Variants in PLXNA4 observed in about 807,000 individuals in gnomAD.
PLXNA4 encodes plexin A4, also known as plexin-A4.
Under a neutral mutation model 191.8 loss-of-function variants are expected in PLXNA4, and 44 were observed. That is an observed-to-expected ratio of 0.23 (90% CI 0.18 to 0.29). The LOEUF (loss-of-function observed/expected upper bound fraction) is 0.29. Among genes scored for constraint, PLXNA4 ranks in the 10% least tolerant of loss-of-function variants. PLXNA4 has a pLI of 1.00. For missense variants in PLXNA4, 1,800 were observed against 2,488.8 expected, an observed-to-expected ratio of 0.72 and a Z score of 5.89; for synonymous variants, 1,082 against 1,009.5, an observed-to-expected ratio of 1.07 and a Z score of -1.36.
chr7:132,489,858 C>A (rs533381667), intron 2 of PLXNA4, among the ~76,000 whole-genome samples: 1 of 152,200 alleles, frequency 6.6e-6, no homozygotes, highest in African/African-American at 2.4e-5. Flanking sequence ...GGCTCCAGGC[C>A]GCTCTGCTCA....
chr7:132,395,560 G>A (rs913410915), intron 3 of PLXNA4, among the ~76,000 whole-genome samples: 1 of 152,198 alleles, frequency 6.6e-6, no homozygotes. Flanking sequence ...TCTCATGTCT[G>A]GCCATGTGGC....
intron 4 of PLXNA4, among the ~76,000 whole-genome samples, chr7:132,246,621 C>T (rs1249760055): frequency 6.6e-6 from 1 of 152,212 alleles, no homozygotes; most frequent in African/African-American, 2.4e-5. Context: ...TCCCCATTTA[C>T]ACTTCCTTTC....
At chr7:132,362,401 A>T (rs1384501761) in intron 3 of PLXNA4, among the ~76,000 whole-genome samples, 2 of 152,232 alleles carry the variant, frequency 1.3e-5, no homozygotes, top group Non-Finnish European at 2.9e-5. Context: ...AGAGGAACAC[A>T]CGCTTTCTAT....
At chr7:132,471,267 A>G (rs1796924306) in intron 3 of PLXNA4, among the ~76,000 whole-genome samples, 1 of 152,180 alleles carries the variant, frequency 6.6e-6, no homozygotes, top group African/African-American at 2.4e-5. Context: ...ACCATGAGCC[A>G]ATTACACCTC....
intron 12 of PLXNA4, among the ~76,000 whole-genome samples, chr7:132,202,334 G>A (rs939132231): frequency 1.3e-5 from 2 of 152,128 alleles, no homozygotes; most frequent in African/African-American, 2.4e-5. Flanking sequence ...CCTTGCCACC[G>A]AGGCTCTTAG....
At chr7:132,322,005 A>G (rs73723780) in intron 3 of PLXNA4, among the ~76,000 whole-genome samples, 4,522 of 152,224 alleles carry the variant, frequency 0.03, 160 homozygotes, top group African/African-American at 0.088. Flanking sequence ...ATTATAGTAG[A>G]ATAGCAGTGA....
intron 3 of PLXNA4, among the ~76,000 whole-genome samples, chr7:132,472,522 C>T (rs1796967911): frequency 6.6e-6 from 1 of 152,226 alleles, no homozygotes; most frequent in Admixed American, 6.5e-5. Flanking sequence ...TCTCAACAGA[C>T]AGCAGCAGGG....
At chr7:132,214,756 G>A (rs2116918308) in intron 9 of PLXNA4, among the ~76,000 whole-genome samples, 1 of 152,280 alleles carries the variant, frequency 6.6e-6, no homozygotes, top group Middle Eastern at 3.4e-3. Flanking sequence ...TCACCCAGCA[G>A]GAGTCTGGCT....
chr7:132,310,656 C>T (rs1801692703), intron 3 of PLXNA4, among the ~76,000 whole-genome samples: 1 of 152,324 alleles, frequency 6.6e-6, no homozygotes, highest in South Asian at 2.1e-4. Flanking sequence ...GTCTGTTGCT[C>T]AGCCCCCAGG....
At chr7:132,184,128 A>G (rs1391012739) in intron 16 of PLXNA4, among the ~76,000 whole-genome samples, 1 of 152,126 alleles carries the variant, frequency 6.6e-6, no homozygotes, top group African/African-American at 2.4e-5. Context: ...GCCCGGGGAG[A>G]CCACTTCTGC....
intron 2 of PLXNA4, among the ~76,000 whole-genome samples, chr7:132,595,731 T>C (rs7811433): frequency 0.98 from 149,936 of 152,230 alleles, 73,884 homozygotes; most frequent in Non-Finnish European, 1. Context: ...CATTCTTTCT[T>C]CCCCCAAGTA....
chr7:132,577,756 G>C (rs1802317026), upstream of PLXNA4, among the ~76,000 whole-genome samples: 2 of 152,182 alleles, frequency 1.3e-5, no homozygotes, highest in African/African-American at 4.8e-5. Flanking sequence ...GCAGCTCTGG[G>C]CGCTGGCCGT....
intron 3 of PLXNA4, among the ~76,000 whole-genome samples, chr7:132,387,408 G>A (rs907608163): frequency 1.3e-5 from 2 of 152,220 alleles, no homozygotes; most frequent in Non-Finnish European, 1.5e-5. Flanking sequence ...GATACTCAAC[G>A]TTGAAGTGCC....
chr7:132,286,485 T>C (rs944162822), intron 4 of PLXNA4, among the ~76,000 whole-genome samples: 1 of 152,228 alleles, frequency 6.6e-6, no homozygotes. Flanking sequence ...AGATGCTTAA[T>C]GGAGTTCAGG....
At chr7:132,300,991 A>T (rs961141751) in intron 3 of PLXNA4, among the ~76,000 whole-genome samples, 3 of 152,152 alleles carry the variant, frequency 2.0e-5, no homozygotes, top group Non-Finnish European at 4.4e-5. Flanking sequence ...ACATCAAAGG[A>T]AGCCAGTTGA....
At position 132,126,707 on chromosome 7, in the gene PLXNA4, C is replaced by G. The variant is rs1355236934; in HGVS notation, c.*3772G>C. The G allele has an allele frequency of 6.6e-6, 1 of 152,178 alleles. No individual in the cohort carries two copies. The highest frequency in any genetic ancestry group is 1.9e-4 in the East Asian group (1 of 5,198). 9.4% of individuals were successfully genotyped at this position (152,178 alleles called of 1,614,324 possible). A position where few individuals can be genotyped will look rare whatever the true frequency, so the allele number is the denominator to read the frequency against. On this transcript the variant is annotated 3_prime_UTR_variant, in exon 32 of 32. Transcript: ENST00000321063. ...GATTTATTTAAAATAACTTCTCTTTCACTTGTAGCTCCTCACAAGCAGCCA... is the reference window on the plus strand; with the variant it reads ...GATTTATTTAAAATAACTTCTCTTTGACTTGTAGCTCCTCACAAGCAGCCA...
At chr7:132,273,283 T>G (rs1800145083) in intron 4 of PLXNA4, among the ~76,000 whole-genome samples, 1 of 151,980 alleles carries the variant, frequency 6.6e-6, no homozygotes, top group Admixed American at 6.6e-5. Context: ...AACTCTTTGT[T>G]TGGAACTGAA....
At position 132,226,141 on chromosome 7, in the gene PLXNA4, G is replaced by C. The variant is rs756218696; in HGVS notation, c.1982+20C>G. The C allele has an allele frequency of 6.2e-7, 1 of 1,603,772 alleles. No individual in the cohort carries two copies. Among genetic ancestry groups the C allele is most frequent in the Admixed American group, 1.7e-5 (1 of 59,952 alleles). On this transcript the variant is annotated intron_variant, in intron 8 of 31. Coordinates refer to ENST00000321063, the MANE Select transcript of PLXNA4 (RefSeq NM_020911.2). ...ACTTGACCCCAGGAACGGGAAGTGGGTAAGGCTGGGGCCACTTACGAATTG... is the reference window on the plus strand; with the variant it reads ...ACTTGACCCCAGGAACGGGAAGTGGCTAAGGCTGGGGCCACTTACGAATTG...
intron 3 of PLXNA4, among the ~76,000 whole-genome samples, chr7:132,409,670 C>T (rs566516429): frequency 6.6e-6 from 1 of 152,204 alleles, no homozygotes; most frequent in African/African-American, 2.4e-5. Flanking sequence ...TATCTCTCCC[C>T]TGGACTTTGG....
Sources: gnomAD v4.1 joint callset for allele counts (sites outside exome capture counted in the v4.1 genomes callset) on GRCh38, gnomAD v4.1.1 for gene constraint, MANE v1.5 for transcripts, NCBI Gene and HGNC (gene_info 2026-07-23, HGNC 2026-07-21) for gene names.